Variants in GOSR2 observed in about 807,000 individuals in gnomAD.
GOSR2 encodes the protein 27 kDa Golgi SNARE protein.
GOSR2 carries 20 observed loss-of-function variants against 27.9 expected under a neutral mutation model. That is an observed-to-expected ratio of 0.72 (90% CI 0.50 to 1.04). The LOEUF (loss-of-function observed/expected upper bound fraction) is 1.04, where lower values mean the gene tolerates loss of function less well. Among genes scored for constraint, GOSR2 ranks in the 50% least tolerant of loss-of-function variants. GOSR2 has a pLI of 0.00. For synonymous variants in GOSR2, 91 were observed against 98.8 expected, an observed-to-expected ratio of 0.92 and a Z score of 0.47; for missense variants, 261 against 270.5, an observed-to-expected ratio of 0.97 and a Z score of 0.25.
Position 46,939,777 on chromosome 17 carries a change from T to A in GOSR2, c.*1017T>A. ...CTGTTTTCAGGGACTACAACCTTTTTCCTTCTGTGACCAGCCCCGGATTCA... is the reference window on the plus strand; with the variant it reads ...CTGTTTTCAGGGACTACAACCTTTTACCTTCTGTGACCAGCCCCGGATTCA... On this transcript the variant is annotated 3_prime_UTR_variant, in exon 6 of 6. Coordinates refer to ENST00000640051, the MANE Select transcript of GOSR2 (RefSeq NM_004287.5). 1 of 987,668 alleles carries A rather than the reference T, an allele frequency of 1.0e-6. No individual in the cohort carries two copies. 61.2% of individuals were successfully genotyped at this position (987,668 alleles called of 1,614,324 possible). A position where few individuals can be genotyped will look rare whatever the true frequency, so the allele number is the denominator to read the frequency against.
intron 6 of GOSR2, among the ~76,000 whole-genome samples, chr17:46,962,069 T>A (rs550911994): frequency 1.3e-5 from 2 of 152,342 alleles, no homozygotes; most frequent in African/African-American, 4.8e-5. Flanking sequence ...CAGTGGCTCA[T>A]GCCTGTAATC....
intron 1 of GOSR2, among the ~76,000 whole-genome samples, chr17:46,929,088 G>A (rs1420355256): frequency 6.6e-6 from 1 of 152,044 alleles, no homozygotes; most frequent in Non-Finnish European, 1.5e-5. Context: ...TATCTCCCTC[G>A]CCCTTTGACT....
chr17:46,940,063 T>C lies in GOSR2; in HGVS notation c.*1303T>C. ...TGCCCTACCTGCTCTGTTAGTTTCT[T>C]GTTGCTTGAACTGTCTTCTGTCTTA... On this transcript the variant is annotated 3_prime_UTR_variant, in exon 6 of 6. Transcript: ENST00000640051. The C allele has an allele frequency of 9.3e-7, 1 of 1,079,526 alleles. No individual in the cohort carries two copies. The allele number at this position is 1,079,526 out of a possible 1,614,324, so 66.9% of individuals were successfully genotyped here. A position where few individuals can be genotyped will look rare whatever the true frequency, so the allele number is the denominator to read the frequency against.
At chr17:46,930,047 ATTT>A (rs35194907) in intron 2 of GOSR2, 12 of 124,074 alleles carry the variant, frequency 9.7e-5, no homozygotes, top group South Asian at 7.6e-4. Context: ...GTTTTTTTTC[ATTT>A]TTTTTTTTTT....
intron 2 of GOSR2, chr17:46,930,151 C>G (rs2087121762): frequency 6.5e-6 from 1 of 154,196 alleles, no homozygotes; most frequent in Admixed American, 6.4e-5. Flanking sequence ...TGGGCTCCCT[C>G]AGGACCCATT....
chr17:46,932,424 G>A, intron 4 of GOSR2: 1 of 611,468 alleles, frequency 1.6e-6, no homozygotes. Context: ...TAAATTGAAG[G>A]GGAATAGGCA....
intron 5 of GOSR2, chr17:46,936,462 ACTTT>A (rs1212533853): frequency 4.1e-6 from 4 of 985,118 alleles, no homozygotes; most frequent in Non-Finnish European, 4.8e-6. Flanking sequence ...GAGGTTTCTA[ACTTT>A]CCTCTGCACA....
intron 6 of GOSR2, among the ~76,000 whole-genome samples, chr17:46,962,996 G>A (rs78728621): frequency 0.036 from 5,529 of 152,064 alleles, 186 homozygotes; most frequent in African/African-American, 0.092. Context: ...AAGAAACTGA[G>A]GCTTGGAAAG....
rs34758846 is a variant in GOSR2, at chr17:46,941,692, G to A, written c.*2932G>A. 3 of 160,040 alleles carry A rather than the reference G, an allele frequency of 1.9e-5. No individual in the cohort carries two copies. The highest frequency in any genetic ancestry group is 2.7e-5 in the Non-Finnish European group (2 of 75,388). The allele number at this position is 160,040 out of a possible 1,614,324, so 9.9% of individuals were successfully genotyped here. A position where few individuals can be genotyped will look rare whatever the true frequency, so the allele number is the denominator to read the frequency against. On this transcript the variant is annotated 3_prime_UTR_variant, in exon 6 of 6. Transcript: ENST00000640051. ...GGGTTCAGGTGATCCTCATACCTCAGCCTCCTGAGTAGCTGGAACTACAAG... is the reference window on the plus strand; with the variant it reads ...GGGTTCAGGTGATCCTCATACCTCAACCTCCTGAGTAGCTGGAACTACAAG...
Position 46,931,096 on chromosome 17 carries a change from C to T in GOSR2, c.95-3C>T, listed in dbSNP as rs763876829. Reference sequence around the variant, plus strand: ...CAATTATTCTTTTTTCTTTTTTGTACAGTAGTAGAAAACGAAATCCAAGCA... The same window carrying T: ...CAATTATTCTTTTTTCTTTTTTGTATAGTAGTAGAAAACGAAATCCAAGCA... On this transcript the variant is annotated splice_region_variant and splice_polypyrimidine_tract_variant and intron_variant, in intron 2 of 5. Transcript: ENST00000640051. 2.1e-6 allele frequency: 3 copies of T among 1,444,788 alleles called. No homozygotes were observed. Among genetic ancestry groups the T allele is most frequent in the East Asian group, 2.3e-5 (1 of 44,048 alleles). The allele number at this position is 1,444,788 out of a possible 1,614,324, so 89.5% of individuals were successfully genotyped here.
chr17:46,953,750 ATC>A (rs1448920901), intron 6 of GOSR2, among the ~76,000 whole-genome samples: 1 of 152,200 alleles, frequency 6.6e-6, no homozygotes, highest in African/African-American at 2.4e-5. Flanking sequence ...GTGAGATGGT[ATC>A]TCATTGTGGT....
chr17:46,928,953 A>G (rs1242717216), intron 1 of GOSR2, among the ~76,000 whole-genome samples: 1 of 151,894 alleles, frequency 6.6e-6, no homozygotes, highest in African/African-American at 2.4e-5. Flanking sequence ...CACTGTGCAG[A>G]GCTGCCCCTC....
intron 6 of GOSR2, among the ~76,000 whole-genome samples, chr17:46,972,435 C>T (rs912016761): frequency 6.6e-6 from 1 of 152,260 alleles, no homozygotes; most frequent in Non-Finnish European, 1.5e-5. Flanking sequence ...AAAGGATTCC[C>T]AGCAAAGGGT....
At chr17:46,963,564 G>T (rs576283186) in intron 6 of GOSR2, 1 of 149,662 alleles carries the variant, frequency 6.7e-6, no homozygotes, top group Non-Finnish European at 1.5e-5. Flanking sequence ...AAAAAAATAG[G>T]CAGATGATAT....
chr17:46,961,374 C>CA (rs1469102651), intron 6 of GOSR2, among the ~76,000 whole-genome samples: 7 of 152,072 alleles, frequency 4.6e-5, no homozygotes, highest in African/African-American at 7.2e-5. Context: ...CCCATCTCTA[C>CA]AAAAAACAAA....
intron 6 of GOSR2, among the ~76,000 whole-genome samples, chr17:46,974,049 T>C (rs2147349205): frequency 6.6e-6 from 1 of 152,294 alleles, no homozygotes; most frequent in South Asian, 2.1e-4. Context: ...AGAAAGTAAG[T>C]GGATGTGGTG....
intron 5 of GOSR2, 68 bp downstream of exon 5, chr17:46,935,237 G>A: frequency 1.2e-6 from 2 of 1,610,608 alleles, no homozygotes; most frequent in Non-Finnish European, 1.7e-6. Flanking sequence ...TTTAGTAACT[G>A]TGTTTATATT....
At position 46,940,512 on chromosome 17, in the gene GOSR2, A is replaced by G. The variant is rs148511622; in HGVS notation, c.*1752A>G. The G allele has an allele frequency of 1.4e-5, 22 of 1,613,846 alleles. No individual in the cohort carries two copies. Among genetic ancestry groups the G allele is most frequent in the Non-Finnish European group, 1.9e-5 (22 of 1,179,880 alleles). On this transcript the variant is annotated 3_prime_UTR_variant, in exon 6 of 6. Transcript: ENST00000640051. Reference sequence around the variant, plus strand: ...CGCAGGACTTTTGGTAATCCATAAAATGGATTCTGAGACTGCGACGGCAAG... The same window carrying G: ...CGCAGGACTTTTGGTAATCCATAAAGTGGATTCTGAGACTGCGACGGCAAG...
intron 6 of GOSR2, among the ~76,000 whole-genome samples, chr17:46,962,424 C>T (rs1324914565): frequency 1.3e-5 from 2 of 152,142 alleles, no homozygotes; most frequent in East Asian, 1.9e-4. Context: ...TGTTTAGTCT[C>T]CTCACACATC....
Sources: allele counts gnomAD v4.1 joint callset (sites outside exome capture counted in the v4.1 genomes callset), GRCh38; gene constraint gnomAD v4.1.1; transcripts MANE v1.5; gene names NCBI Gene and HGNC (gene_info 2026-07-23, HGNC 2026-07-21).